The following CFAP20DC variants were observed in gnomAD, a reference collection of about 807,000 sequenced individuals.
CFAP20DC encodes the protein CFAP20 domain containing, also known as protein CFAP20DC.
In CFAP20DC, 84 loss-of-function variants were observed where a neutral mutation model predicts 101.7. That is an observed-to-expected ratio of 0.83 (90% CI 0.69 to 0.99). The LOEUF is 0.99. CFAP20DC is among the 50% of genes least tolerant of loss of function. CFAP20DC has a pLI of 0.00. For missense variants in CFAP20DC, 1,007 were observed against 970.3 expected (o/e 1.04, Z -0.50); for synonymous variants, 359 against 351.2 (o/e 1.02, Z -0.25).
intron 3 of CFAP20DC, among the ~76,000 whole-genome samples, chr3:59,044,247 A>G (rs550555225): frequency 1.3e-5 from 2 of 152,294 alleles, no homozygotes; most frequent in East Asian, 1.9e-4. Flanking sequence ...TGTTAATTAA[A>G]AGCCAATTAT....
chr3:58,944,307 G>A (rs1212156068), intron 4 of CFAP20DC, among the ~76,000 whole-genome samples: 1 of 152,156 alleles, frequency 6.6e-6, no homozygotes, highest in Non-Finnish European at 1.5e-5. Context: ...AGGAAAAAAT[G>A]TTAAGGGCAG....
intron 14 of CFAP20DC, among the ~76,000 whole-genome samples, chr3:58,819,243 A>G (rs1488487114): frequency 1.3e-5 from 2 of 152,002 alleles, no homozygotes; most frequent in Non-Finnish European, 2.9e-5. Flanking sequence ...TAGAAAAGCA[A>G]GAGCAAACAC....
chr3:59,024,077 T>C (rs2093851199), intron 4 of CFAP20DC, among the ~76,000 whole-genome samples: 1 of 152,154 alleles, frequency 6.6e-6, no homozygotes, highest in Admixed American at 6.5e-5. Flanking sequence ...AAAACTCCTT[T>C]TCTATGAATG....
At chr3:58,854,743 C>A (rs1266493143) in intron 12 of CFAP20DC, among the ~76,000 whole-genome samples, 1 of 151,286 alleles carries the variant, frequency 6.6e-6, no homozygotes, top group African/African-American at 2.4e-5. Flanking sequence ...GGAAAGGATT[C>A]TCTATTTAAT....
chr3:58,764,376 C>T (rs754829455), intron 15 of CFAP20DC, among the ~76,000 whole-genome samples: 2 of 152,188 alleles, frequency 1.3e-5, no homozygotes, highest in Non-Finnish European at 2.9e-5. Context: ...TTTGCTAAGA[C>T]TGTTGGAAAA....
chr3:58,949,884 C>G (rs142097832), intron 4 of CFAP20DC, among the ~76,000 whole-genome samples: 1 of 152,146 alleles, frequency 6.6e-6, no homozygotes, highest in Non-Finnish European at 1.5e-5. Context: ...CCTCTCTCAC[C>G]ACTCCTATTC....
At chr3:58,794,676 A>G in intron 15 of CFAP20DC, among the ~76,000 whole-genome samples, 1 of 152,194 alleles carries the variant, frequency 6.6e-6, no homozygotes, top group Admixed American at 6.5e-5. Context: ...GTGAGTGGAC[A>G]CATTTCTGGA....
rs533068083 is a variant in CFAP20DC, at chr3:58,788,232, C to T, written c.2237+18163G>A. Among the ~76,000 whole-genome samples the T allele has an allele frequency of 6.6e-5, 10 of 151,910 alleles. No homozygotes were observed. Among genetic ancestry groups the T allele is most frequent in the Admixed American group, 1.3e-4 (2 of 15,236 alleles). The stretch of plus-strand genomic sequence containing the variant: ...ACTGCATACAGACAGATTCTGAGCA[C>T]GCAGTGAGAAAGGGAACCACAGCAT... On this transcript the variant is annotated intron_variant, in intron 15 of 16. Coordinates refer to ENST00000482387, the MANE Select transcript of CFAP20DC (RefSeq NM_001394063.1). This position sits in a 1 kb window ranked among gnomAD's most constrained non-coding sequence, Gnocchi z 4.2.
chr3:58,751,768 C>A (rs760501220), intron 16 of CFAP20DC, among the ~76,000 whole-genome samples: 1 of 151,976 alleles, frequency 6.6e-6, no homozygotes, highest in Non-Finnish European at 1.5e-5. Context: ...CAAATCCTAA[C>A]TTTGTGACTC....
chr3:58,757,545 T>C (rs1324282448), intron 15 of CFAP20DC, among the ~76,000 whole-genome samples: 6 of 152,238 alleles, frequency 3.9e-5, no homozygotes, highest in Non-Finnish European at 7.4e-5. Flanking sequence ...GTCAAAGGTA[T>C]CAGCCATTTA....
chr3:58,873,743 G>A (rs1437669152), intron 7 of CFAP20DC, among the ~76,000 whole-genome samples: 1 of 151,938 alleles, frequency 6.6e-6, no homozygotes, highest in African/African-American at 2.4e-5. Context: ...TTAGGCAGGT[G>A]TTGAAGCAGA....
intron 4 of CFAP20DC, among the ~76,000 whole-genome samples, chr3:58,970,890 C>T (rs550963466): frequency 6.6e-6 from 1 of 152,248 alleles, no homozygotes; most frequent in South Asian, 2.1e-4. Flanking sequence ...TTAAGATCAT[C>T]TATTTTCAAG....
At chr3:58,966,130 T>C (rs2091502271) in intron 4 of CFAP20DC, among the ~76,000 whole-genome samples, 1 of 152,220 alleles carries the variant, frequency 6.6e-6, no homozygotes. Context: ...CCTTCCTAAA[T>C]GTGCTCATGT....
At chr3:58,911,796 G>T (rs1304710209) in intron 6 of CFAP20DC, among the ~76,000 whole-genome samples, 1 of 152,038 alleles carries the variant, frequency 6.6e-6, no homozygotes, top group Admixed American at 6.6e-5. Context: ...AAAGCTCTCT[G>T]ATTCAGTTTC....
intron 14 of CFAP20DC, among the ~76,000 whole-genome samples, chr3:58,807,729 G>C (rs1275430247): frequency 3.3e-5 from 5 of 152,244 alleles, no homozygotes; most frequent in Admixed American, 1.3e-4. Context: ...ACTTTGACGA[G>C]TTGCGAGAAG....
chr3:58,818,033 C>T (rs2107868418), intron 14 of CFAP20DC, among the ~76,000 whole-genome samples: 1 of 150,740 alleles, frequency 6.6e-6, no homozygotes, highest in East Asian at 2.0e-4. Context: ...TCATATCCAG[C>T]CAAACTAAGC....
intron 4 of CFAP20DC, among the ~76,000 whole-genome samples, chr3:58,977,200 A>G (rs1029124140): frequency 6.6e-6 from 1 of 152,182 alleles, no homozygotes; most frequent in Non-Finnish European, 1.5e-5. Flanking sequence ...ATTAGGTGAG[A>G]AATTACTGTA....
chr3:58,963,203 T>TGC (rs2091289029), intron 4 of CFAP20DC, among the ~76,000 whole-genome samples: 1 of 121,944 alleles, frequency 8.2e-6, no homozygotes, highest in Non-Finnish European at 1.7e-5. Context: ...TGTGTGTGTG[T>TGC]GTGTGTGTGT....
chr3:58,994,731 T>A (rs1242562699), intron 4 of CFAP20DC, among the ~76,000 whole-genome samples: 1 of 151,876 alleles, frequency 6.6e-6, no homozygotes, highest in Non-Finnish European at 1.5e-5. Context: ...TATCCATAAA[T>A]CTTTCAAACA....
Sources: gnomAD v4.1 joint callset for allele counts (sites outside exome capture counted in the v4.1 genomes callset) on GRCh38, gnomAD v4.1.1 for gene constraint, Gnocchi (gnomAD v3.1) non-coding constraint, MANE v1.5 for transcripts, NCBI Gene and HGNC (gene_info 2026-07-23, HGNC 2026-07-21) for gene names.